EXT1: variants seen among roughly 807,000 people sequenced by gnomAD.
EXT1 encodes exostosin-1.
EXT1 carries 20 observed loss-of-function variants against 82.5 expected under a neutral mutation model. The ratio of observed to expected loss-of-function variants is 0.24; its 90% CI spans 0.17 to 0.35. The LOEUF (loss-of-function observed/expected upper bound fraction) is 0.35, where lower values mean the gene tolerates loss of function less well. Ranked by LOEUF, EXT1 falls within the 10% of genes least tolerant of loss-of-function variation. The pLI is 1.00. For missense variants in EXT1, 757 were observed against 936.5 expected, an observed-to-expected ratio of 0.81 and a Z score of 2.50; for synonymous variants, 348 against 350.8, an observed-to-expected ratio of 0.99 and a Z score of 0.09.
intron 1 of EXT1, among the ~76,000 whole-genome samples, chr8:117,952,477 A>T (rs1459636771): frequency 2.0e-5 from 3 of 152,228 alleles, no homozygotes; most frequent in Non-Finnish European, 4.4e-5. Context: ...CTCAAAAAAT[A>T]TGGTGAGACA....
intron 1 of EXT1, among the ~76,000 whole-genome samples, chr8:117,956,021 A>C (rs1399212715): frequency 6.6e-6 from 1 of 152,250 alleles, no homozygotes; most frequent in East Asian, 1.9e-4. Flanking sequence ...TAATGAGAAA[A>C]GCAGCAGCAG....
chr8:117,831,628 A>G (rs1812099843), intron 3 of EXT1: 1 of 471,064 alleles, frequency 2.1e-6, no homozygotes. Flanking sequence ...TCCATAACAT[A>G]TGACTAATCC....
At chr8:117,822,362 G>A in intron 5 of EXT1, 103 bp downstream of exon 5, 2 of 1,277,490 alleles carry the variant, frequency 1.6e-6, no homozygotes, top group Non-Finnish European at 2.2e-6. Context: ...CTTCAATGCA[G>A]GGTGTTAGAT....
At chr8:117,913,321 A>G (rs760702843) in intron 1 of EXT1, among the ~76,000 whole-genome samples, 2 of 152,078 alleles carry the variant, frequency 1.3e-5, no homozygotes, top group Non-Finnish European at 2.9e-5. Flanking sequence ...ACATCAAACC[A>G]CAGAAAATGC....
chr8:118,087,939 C>CA (rs10706033), intron 1 of EXT1, among the ~76,000 whole-genome samples: 3,074 of 83,218 alleles, frequency 0.037, 52 homozygotes, highest in South Asian at 0.049. Flanking sequence ...CGTTTCAGGG[C>CA]AAAAAAAAAA....
In EXT1 at chr8:117,815,670, G is replaced by A. The variant is rs1239805629; in HGVS notation, c.1633-2709C>T. Among the ~76,000 whole-genome samples the A allele has an allele frequency of 4.6e-5, 7 of 152,240 alleles. No individual in the cohort carries two copies. The South Asian group carries it at 1.0e-3, about 23-fold the overall frequency. ...ATGTTGGCCAGGTACAGTGGCTCCC[G>A]CCTGTAACCCCAGCACTTTGGGAGG... On this transcript the variant is annotated intron_variant, in intron 7 of 10. Transcript: ENST00000378204.
chr8:117,908,283 C>A (rs1481843291), intron 1 of EXT1, among the ~76,000 whole-genome samples: 1 of 152,180 alleles, frequency 6.6e-6, no homozygotes, highest in East Asian at 1.9e-4. Flanking sequence ...TTCTGTATCT[C>A]TTACAAATCA....
chr8:118,039,699 C>A (rs1033856001), intron 1 of EXT1, among the ~76,000 whole-genome samples: 1 of 151,800 alleles, frequency 6.6e-6, no homozygotes, highest in Non-Finnish European at 1.5e-5. Context: ...CAAGCAGGCA[C>A]CAATAATTCA....
chr8:118,061,477 G>A (rs1816880532), intron 1 of EXT1, among the ~76,000 whole-genome samples: 1 of 152,150 alleles, frequency 6.6e-6, no homozygotes, highest in South Asian at 2.1e-4. Context: ...GTCTCTCTCT[G>A]TAGAATCACG....
At chr8:117,910,235 C>T (rs1437768472) in intron 1 of EXT1, among the ~76,000 whole-genome samples, 2 of 152,110 alleles carry the variant, frequency 1.3e-5, no homozygotes, top group Admixed American at 1.3e-4. Flanking sequence ...TTAAACCACA[C>T]GAGTAAGGGC....
intron 1 of EXT1, among the ~76,000 whole-genome samples, chr8:118,003,558 G>C (rs1815717564): frequency 6.6e-6 from 1 of 152,224 alleles, no homozygotes; most frequent in South Asian, 2.1e-4. Flanking sequence ...AAGCCAACTA[G>C]ATGTATAGCA....
intron 1 of EXT1, among the ~76,000 whole-genome samples, chr8:117,841,619 T>C (rs1220076658): frequency 6.6e-6 from 1 of 152,182 alleles, no homozygotes; most frequent in African/African-American, 2.4e-5. Context: ...TTTGCTACCC[T>C]TTTCAGATGG....
At chr8:117,875,185 G>A (rs539332725) in intron 1 of EXT1, among the ~76,000 whole-genome samples, 9 of 152,104 alleles carry the variant, frequency 5.9e-5, no homozygotes, top group Non-Finnish European at 1.5e-5. Context: ...GGGGGGCCAA[G>A]GCAGGCAGAC....
chr8:118,016,447 C>T (rs936970573), intron 1 of EXT1, among the ~76,000 whole-genome samples: 1 of 152,200 alleles, frequency 6.6e-6, no homozygotes, highest in African/African-American at 2.4e-5. Flanking sequence ...TTTGTTACAG[C>T]AGCCTTGGGA....
intron 1 of EXT1, among the ~76,000 whole-genome samples, chr8:118,011,721 T>C (rs1487686942): frequency 6.6e-6 from 1 of 152,196 alleles, no homozygotes; most frequent in Non-Finnish European, 1.5e-5. Flanking sequence ...GCTCTCTGGC[T>C]CCTAAGGCTT....
intron 1 of EXT1, among the ~76,000 whole-genome samples, chr8:118,069,704 G>A (rs2514756): frequency 0.33 from 50,369 of 151,934 alleles, 9,307 homozygotes; most frequent in East Asian, 0.5. Context: ...TAGCAACGTC[G>A]TAGGCATTGG....
rs17504876 is a variant in EXT1 at position 117,961,047 on chromosome 8, G to A, written c.963-123846C>T. On this transcript the variant is annotated intron_variant, in intron 1 of 10. Transcript: ENST00000378204. The stretch of plus-strand genomic sequence containing the variant: ...GTAGAGGGTAAATGGGCAAATGGTC[G>A]TTTACTTTGGCATTGAGGAAACTCC... 7.7e-3 allele frequency among the ~76,000 whole-genome samples: 1,177 copies of A among 152,262 alleles called. 12 individuals are homozygous for A. The highest frequency in any genetic ancestry group is 0.026 in the African/African-American group (1,089 of 41,552).
chr8:118,100,130 G>C (rs1487888507), intron 1 of EXT1, among the ~76,000 whole-genome samples: 1 of 152,156 alleles, frequency 6.6e-6, no homozygotes, highest in Admixed American at 6.5e-5. Flanking sequence ...CTGGACGAGA[G>C]AATTCAGGAA....
intron 1 of EXT1, among the ~76,000 whole-genome samples, chr8:118,037,848 T>G (rs1188725840): frequency 5.0e-4 from 74 of 148,414 alleles, no homozygotes; most frequent in African/African-American, 1.7e-3. Context: ...TTTTTTTTTT[T>G]TTTTTTTTTG....
Sources: gnomAD v4.1 joint callset for allele counts (sites outside exome capture counted in the v4.1 genomes callset) on GRCh38, gnomAD v4.1.1 for gene constraint, MANE v1.5 for transcripts, NCBI Gene and HGNC (gene_info 2026-07-23, HGNC 2026-07-21) for gene names.